Variants in CALCRL observed in about 807,000 individuals in gnomAD.
The protein encoded by CALCRL is calcitonin gene-related peptide type 1 receptor.
Under a neutral mutation model 60.4 loss-of-function variants are expected in CALCRL, and 27 were observed. The ratio of observed to expected loss-of-function variants is 0.45; its 90% CI spans 0.33 to 0.62. The LOEUF (loss-of-function observed/expected upper bound fraction) is 0.62. Ranked by LOEUF, CALCRL falls within the 20% of genes least tolerant of loss-of-function variation. The pLI, the probability that CALCRL is intolerant of heterozygous loss-of-function variation, is 0.03. For synonymous variants in CALCRL, 190 were observed against 182.6 expected (o/e 1.04, Z -0.33); for missense variants, 424 against 540.7 (o/e 0.78, Z 2.14).
chr2:187,412,933 G>T (rs918263495), intron 1 of CALCRL, among the ~76,000 whole-genome samples: 7 of 152,082 alleles, frequency 4.6e-5, no homozygotes, highest in African/African-American at 1.7e-4. Context: ...ATGCTTTGTT[G>T]ATTGTTTTCT....
intron 7 of CALCRL, among the ~76,000 whole-genome samples, chr2:187,379,703 A>G (rs12621307): frequency 0.53 from 81,182 of 151,962 alleles, 22,392 homozygotes; most frequent in East Asian, 0.78. Flanking sequence ...AGAGCTTACT[A>G]TATGCTAATC....
chr2:187,350,949 C>G (rs1014822883), intron 14 of CALCRL, among the ~76,000 whole-genome samples: 39 of 151,662 alleles, frequency 2.6e-4, no homozygotes, highest in Non-Finnish European at 8.9e-5. Context: ...AGAGCTAAGT[C>G]AATAGAGCTC....
intron 1 of CALCRL, among the ~76,000 whole-genome samples, chr2:187,404,734 A>C (rs1689041846): frequency 6.6e-6 from 1 of 151,940 alleles, no homozygotes; most frequent in African/African-American, 2.4e-5. Context: ...GTAAGTAAAA[A>C]AGAAACAGCA....
At chr2:187,402,535 G>A (rs904382363) in intron 1 of CALCRL, among the ~76,000 whole-genome samples, 2 of 151,610 alleles carry the variant, frequency 1.3e-5, no homozygotes, top group African/African-American at 2.4e-5. Flanking sequence ...TACATGAGAT[G>A]AGAGATGAGG....
chr2:187,353,951 T>G (rs1195864328), intron 12 of CALCRL, among the ~76,000 whole-genome samples: 1 of 35,908 alleles, frequency 2.8e-5, no homozygotes, highest in Non-Finnish European at 5.9e-5. Context: ...GAGTTGACAA[T>G]AGAGTTTATT....
Position 187,352,103 on chromosome 2 carries a change from G to A in CALCRL, c.1128+11C>T, listed in dbSNP as rs746498561. 6.2e-7 allele frequency: 1 copy of A among 1,609,008 alleles called. No homozygotes were observed. The highest frequency in any genetic ancestry group is 8.5e-7 in the Non-Finnish European group (1 of 1,176,122). On this transcript the variant is annotated intron_variant, in intron 13 of 14. Transcript: ENST00000392370. ...ACTTCTCAAGCTGCCTTCTTATCAA[G>A]AATGCCATACCTGGAAGTGCATAAG...
chr2:187,385,867 C>T (rs1688184545), intron 3 of CALCRL, among the ~76,000 whole-genome samples: 1 of 152,122 alleles, frequency 6.6e-6, no homozygotes, highest in Non-Finnish European at 1.5e-5. Flanking sequence ...CCTCCCTCCT[C>T]AGCCTCCCAA....
At chr2:187,371,258 A>G (rs1436562557) in intron 8 of CALCRL, among the ~76,000 whole-genome samples, 1 of 151,618 alleles carries the variant, frequency 6.6e-6, no homozygotes, top group African/African-American at 2.4e-5. Flanking sequence ...AAAAAAAGTT[A>G]AATAAATAAT....
At chr2:187,350,664 A>C (rs1033192667) in intron 14 of CALCRL, among the ~76,000 whole-genome samples, 15 of 151,748 alleles carry the variant, frequency 9.9e-5, no homozygotes, top group African/African-American at 3.4e-4. Context: ...TGTCAAGATG[A>C]GGAAGTAAAA....
chr2:187,356,575 T>C (rs858752), intron 12 of CALCRL, among the ~76,000 whole-genome samples: 132,228 of 152,170 alleles, frequency 0.87, 57,667 homozygotes, highest in African/African-American at 0.91. Flanking sequence ...CGAGGCAATA[T>C]CATTCAGGAC....
chr2:187,358,733 T>C (rs1353836509), intron 12 of CALCRL, among the ~76,000 whole-genome samples: 1 of 152,110 alleles, frequency 6.6e-6, no homozygotes, highest in Non-Finnish European at 1.5e-5. Flanking sequence ...GCAGTGGTTG[T>C]TTTTCTCTAC....
At chr2:187,356,656 G>A (rs184616535) in intron 12 of CALCRL, among the ~76,000 whole-genome samples, 109 of 152,236 alleles carry the variant, frequency 7.2e-4, no homozygotes, top group African/African-American at 2.5e-3. Flanking sequence ...ATTGACAAAC[G>A]GGATCTAATT....
chr2:187,419,225 C>A (rs1184755893), intron 1 of CALCRL, among the ~76,000 whole-genome samples: 1 of 151,854 alleles, frequency 6.6e-6, no homozygotes, highest in Non-Finnish European at 1.5e-5. Context: ...TAAGTTCTAA[C>A]CCTCAATCTG....
chr2:187,366,918 C>CACACACACACA (rs1553506257), intron 8 of CALCRL, among the ~76,000 whole-genome samples: 5 of 84,506 alleles, frequency 5.9e-5, no homozygotes, highest in African/African-American at 2.2e-4. Flanking sequence ...GTGAGTATAA[C>CACACACACACA]CCCACACACA....
intron 1 of CALCRL, among the ~76,000 whole-genome samples, chr2:187,408,460 A>AT (rs1377595105): frequency 1.3e-5 from 2 of 152,120 alleles, no homozygotes; most frequent in Non-Finnish European, 2.9e-5. Context: ...GATGTTTAAT[A>AT]TGATGTTCAT....
chr2:187,344,291 C>G lies in CALCRL; in HGVS notation c.*1893G>C, dbSNP rs961891938. 1 of 151,548 alleles carries G rather than the reference C, an allele frequency of 6.6e-6. No individual in the cohort carries two copies. Among genetic ancestry groups the G allele is most frequent in the African/African-American group, 2.4e-5 (1 of 41,366 alleles). The allele number at this position is 151,548 out of a possible 1,614,324, so 9.4% of individuals were successfully genotyped here. On this transcript the variant is annotated 3_prime_UTR_variant, in exon 15 of 15. Transcript: ENST00000392370. ...ATAAATTATAAATGTACTGACCAGA[C>G]CATTCTATATGTTAATTCTTACGAA...
rs1686223465 is a variant in CALCRL at position 187,345,118 on chromosome 2, C to A, written c.*1066G>T. ...TTTACCAAATATAGCATTCCAGACT[C>A]TATTTTATTTAAAAAATCAGCCCAG... On this transcript the variant is annotated 3_prime_UTR_variant, in exon 15 of 15. Transcript: ENST00000392370. 1 of 152,036 alleles carries A rather than the reference C, an allele frequency of 6.6e-6. No individual in the cohort carries two copies. The highest frequency in any genetic ancestry group is 2.1e-4 in the South Asian group (1 of 4,826). The allele number at this position is 152,036 out of a possible 1,614,324, so 9.4% of individuals were successfully genotyped here. A position where few individuals can be genotyped will look rare whatever the true frequency, so the allele number is the denominator to read the frequency against.
chr2:187,434,519 G>A (rs1559078370), intron 1 of CALCRL, among the ~76,000 whole-genome samples: 1 of 152,146 alleles, frequency 6.6e-6, no homozygotes, highest in Admixed American at 6.6e-5. Context: ...TGACGCAATG[G>A]AAACCTCATA....
At chr2:187,370,988 A>G (rs1687492328) in intron 8 of CALCRL, among the ~76,000 whole-genome samples, 1 of 152,194 alleles carries the variant, frequency 6.6e-6, no homozygotes, top group Admixed American at 6.5e-5. Flanking sequence ...CACGCCTGTA[A>G]TCCCAGCATT....
Sources: allele counts gnomAD v4.1 joint callset (sites outside exome capture counted in the v4.1 genomes callset), GRCh38; gene constraint gnomAD v4.1.1; transcripts MANE v1.5; gene names NCBI Gene and HGNC (gene_info 2026-07-23, HGNC 2026-07-21).